The following EFNB2 variants were observed in gnomAD, a reference collection of about 807,000 sequenced individuals.
EFNB2 encodes ephrin B2.
EFNB2 carries 5 observed loss-of-function variants against 32.1 expected under a neutral mutation model. That is an observed-to-expected ratio of 0.16 (90% confidence interval 0.08 to 0.33). The LOEUF (loss-of-function observed/expected upper bound fraction) is 0.33. EFNB2 is among the 10% of genes least tolerant of loss of function. The pLI is 1.00. For synonymous variants in EFNB2, 168 were observed against 166.5 expected (o/e 1.01, Z -0.07); for missense variants, 263 against 422.6 (o/e 0.62, Z 3.31).
At chr13:106,530,937 T>C (rs1330435352) in intron 1 of EFNB2, among the ~76,000 whole-genome samples, 2 of 152,206 alleles carry the variant, frequency 1.3e-5, no homozygotes, top group Non-Finnish European at 2.9e-5. Flanking sequence ...AATCCACCAA[T>C]TGTTCTTCAG....
intron 2 of EFNB2, among the ~76,000 whole-genome samples, chr13:106,509,264 C>G (rs1165832966): frequency 6.6e-6 from 1 of 152,166 alleles, no homozygotes; most frequent in African/African-American, 2.4e-5. Flanking sequence ...GTCAGTCCCT[C>G]TGGACTACTC....
At chr13:106,499,746 T>G (rs1315687374) in intron 2 of EFNB2, among the ~76,000 whole-genome samples, 1 of 152,124 alleles carries the variant, frequency 6.6e-6, no homozygotes, top group East Asian at 1.9e-4. Context: ...ATTTAAAAAT[T>G]ACCAGAAAAT....
chr13:106,527,911 A>T (rs551651500), intron 1 of EFNB2, among the ~76,000 whole-genome samples: 1 of 152,326 alleles, frequency 6.6e-6, no homozygotes, highest in African/African-American at 2.4e-5. Context: ...AGGGCAATTC[A>T]GCTTTTTCTT....
At chr13:106,528,470 T>TA (rs35288702) in intron 1 of EFNB2, among the ~76,000 whole-genome samples, 256 of 145,210 alleles carry the variant, frequency 1.8e-3, no homozygotes, top group Middle Eastern at 3.6e-3. Flanking sequence ...TGCTGCTCTT[T>TA]AAAAAAAAAA....
Position 106,496,257 on chromosome 13 carries a change from A to C in EFNB2, c.407-417T>G, listed in dbSNP as rs147295272. ...CCCCCACACCTGCTTCCTCCACTGC[A>C]GATTTCCTGCTTCAAGAACAATTAG... On this transcript the variant is annotated intron_variant, in intron 2 of 4. Transcript: ENST00000646441. Among the ~76,000 whole-genome samples, 327 of 152,318 alleles carry C rather than the reference A, an allele frequency of 2.1e-3. 2 individuals carry two copies. Among genetic ancestry groups the C allele is most frequent in the African/African-American group, 7.5e-3 (310 of 41,562 alleles).
At chr13:106,534,041 G>A (rs954501650) in intron 1 of EFNB2, among the ~76,000 whole-genome samples, 4 of 152,180 alleles carry the variant, frequency 2.6e-5, no homozygotes, top group Non-Finnish European at 5.9e-5. Context: ...TCCTACCAGG[G>A]TCCCGAGGGA....
intron 2 of EFNB2, chr13:106,506,798 C>G (rs1346415867): frequency 6.6e-6 from 1 of 152,226 alleles, no homozygotes; most frequent in African/African-American, 2.4e-5. Flanking sequence ...CCCACCACAT[C>G]TGGATTCCCA....
chr13:106,526,273 G>A (rs943146622), intron 1 of EFNB2, among the ~76,000 whole-genome samples: 2 of 152,132 alleles, frequency 1.3e-5, no homozygotes, highest in Admixed American at 6.5e-5. Context: ...GCACAAATTC[G>A]GGTTGTCTGT....
At chr13:106,526,912 C>G (rs1416086269) in intron 1 of EFNB2, among the ~76,000 whole-genome samples, 1 of 152,184 alleles carries the variant, frequency 6.6e-6, no homozygotes, top group African/African-American at 2.4e-5. Context: ...TTGCTATGCA[C>G]ACAGGTTAGG....
At chr13:106,501,419 G>A (rs566428923) in intron 2 of EFNB2, among the ~76,000 whole-genome samples, 15 of 151,902 alleles carry the variant, frequency 9.9e-5, no homozygotes, top group South Asian at 4.2e-4. Flanking sequence ...ATGACTTTCC[G>A]AGGGCCTCAT....
chr13:106,499,448 A>C lies in EFNB2; in HGVS notation c.407-3608T>G, dbSNP rs559164916. Among the ~76,000 whole-genome samples the C allele has an allele frequency of 4.6e-5, 7 of 152,268 alleles. No individual in the cohort carries two copies. The South Asian group carries it at 1.5e-3, about 32-fold the overall frequency. ...TGCTAATGCTTGGGAAAAAAAATCT[A>C]TTTCCATTTCAGGAGACAATTCTGC... On this transcript the variant is annotated intron_variant, in intron 2 of 4. Coordinates refer to ENST00000646441, the MANE Select transcript of EFNB2 (RefSeq NM_004093.4).
chr13:106,531,894 C>A (rs1458131673), intron 1 of EFNB2, among the ~76,000 whole-genome samples: 1 of 152,046 alleles, frequency 6.6e-6, no homozygotes, highest in East Asian at 1.9e-4. Context: ...CATTGCAGAA[C>A]ACCATACCAA....
intron 1 of EFNB2, among the ~76,000 whole-genome samples, chr13:106,527,885 T>C (rs1284993364): frequency 2.0e-5 from 3 of 152,232 alleles, no homozygotes; most frequent in African/African-American, 4.8e-5. Flanking sequence ...CTGTTTCTGA[T>C]AGAAAGCTGG....
At chr13:106,494,158 A>G (rs564353081) in intron 4 of EFNB2, among the ~76,000 whole-genome samples, 7 of 152,324 alleles carry the variant, frequency 4.6e-5, no homozygotes, top group Admixed American at 4.6e-4. Flanking sequence ...TGACTCTTGG[A>G]AAGGGATGGA....
intron 1 of EFNB2, chr13:106,517,140 A>T (rs1410147401): frequency 6.6e-6 from 1 of 152,218 alleles, no homozygotes; most frequent in Non-Finnish European, 1.5e-5. Flanking sequence ...CACTTCTCCT[A>T]TGCTGACTTT....
chr13:106,503,603 T>G (rs1013886677), intron 2 of EFNB2, among the ~76,000 whole-genome samples: 3 of 152,164 alleles, frequency 2.0e-5, no homozygotes, highest in African/African-American at 2.4e-5. Flanking sequence ...CTGGGTGGTG[T>G]TAAGTGAAAA....
intron 1 of EFNB2, among the ~76,000 whole-genome samples, chr13:106,522,731 C>G (rs959407514): frequency 6.6e-5 from 10 of 151,988 alleles, no homozygotes; most frequent in African/African-American, 2.4e-4. Context: ...AAAAATGATT[C>G]ACCCATGTAT....
intron 2 of EFNB2, among the ~76,000 whole-genome samples, chr13:106,504,958 A>G (rs940557055): frequency 6.6e-6 from 1 of 152,178 alleles, no homozygotes; most frequent in South Asian, 2.1e-4. Context: ...AAATGGAATT[A>G]AGAGTATGTC....
rs868624055 is a variant in EFNB2 at position 106,535,195 on chromosome 13, A to C, written c.-231T>G. The C allele has an allele frequency of 2.6e-4, 47 of 180,350 alleles. No individual in the cohort carries two copies. Among genetic ancestry groups the C allele is most frequent in the Admixed American group, 8.7e-4 (13 of 14,994 alleles). 11.2% of individuals were successfully genotyped at this position (180,350 alleles called of 1,614,324 possible). ...CGCGCGGGGCGCGGCGGCGCGGCGG[A>C]CTCGGGGTTCCGGGGCGCCGCGCCG... On this transcript the variant is annotated 5_prime_UTR_variant, in exon 1 of 5. Coordinates refer to ENST00000646441, the MANE Select transcript of EFNB2 (RefSeq NM_004093.4).
Sources: allele counts gnomAD v4.1 joint callset (sites outside exome capture counted in the v4.1 genomes callset), GRCh38; gene constraint gnomAD v4.1.1; transcripts MANE v1.5; gene names NCBI Gene and HGNC (gene_info 2026-07-23, HGNC 2026-07-21).